SOX5: variants seen among roughly 807,000 people sequenced by gnomAD.
SOX5 encodes the protein transcription factor SOX-5.
A neutral mutation model predicts 92.0 loss-of-function variants in SOX5; 9 were observed. That is an observed-to-expected ratio of 0.10 (90% CI 0.06 to 0.17). SOX5 has a LOEUF of 0.17. SOX5 is among the 10% of genes least tolerant of loss of function. The pLI is 1.00. For synonymous variants in SOX5, 344 were observed against 336.3 expected (o/e 1.02, Z -0.25); for missense variants, 642 against 944.5 (o/e 0.68, Z 4.20).
At chr12:24,491,102 G>C (rs1326778451) in intron 1 of SOX5, among the ~76,000 whole-genome samples, 1 of 151,934 alleles carries the variant, frequency 6.6e-6, no homozygotes, top group Non-Finnish European at 1.5e-5. Flanking sequence ...TCATGCCAGG[G>C]TGGCTGCCTG....
rs180741306 is a variant in SOX5, at chr12:24,549,636, T to C, written c.-251+12693A>G. ...ATAGGGCTGATGTGTTGCAGATAGT[T>C]TGGGAGTCATCTGAAAATCTCTGTT... On this transcript the variant is annotated intron_variant, in intron 1 of 4. Transcript: ENST00000446891. Among the ~76,000 whole-genome samples the C allele has an allele frequency of 2.8e-3, 429 of 152,238 alleles. 4 individuals carry two copies. Among genetic ancestry groups the C allele is most frequent in the African/African-American group, 8.9e-3 (370 of 41,522 alleles).
chr12:24,367,128 A>G (rs969928249), intron 2 of SOX5, among the ~76,000 whole-genome samples: 2 of 152,296 alleles, frequency 1.3e-5, no homozygotes, highest in South Asian at 4.1e-4. Flanking sequence ...AATTACAACC[A>G]GACTTAGCTG....
At chr12:24,444,293 T>TGTGC (rs1941124097) in intron 1 of SOX5, among the ~76,000 whole-genome samples, 1 of 151,954 alleles carries the variant, frequency 6.6e-6, no homozygotes, top group Non-Finnish European at 1.5e-5. Context: ...TGTGTGTGTG[T>TGTGC]GTGTGTGTGT....
intron 1 of SOX5, among the ~76,000 whole-genome samples, chr12:24,553,537 T>A (rs1446914006): frequency 6.6e-6 from 1 of 152,230 alleles, no homozygotes. Context: ...TTTCAGGCAT[T>A]GTGATTCTGC....
intron 1 of SOX5, among the ~76,000 whole-genome samples, chr12:24,433,509 G>T (rs2137078343): frequency 6.6e-6 from 1 of 152,216 alleles, no homozygotes; most frequent in African/African-American, 2.4e-5. Context: ...TTTGATTAAA[G>T]GTAATGGTAT....
intron 8 of SOX5, among the ~76,000 whole-genome samples, chr12:23,606,829 A>T (rs1352825461): frequency 6.6e-6 from 1 of 152,168 alleles, no homozygotes; most frequent in Non-Finnish European, 1.5e-5. Context: ...ATCTGAGTTA[A>T]ATTGTCCTAA....
At chr12:23,988,039 C>G (rs1950217163) in intron 4 of SOX5, among the ~76,000 whole-genome samples, 1 of 152,078 alleles carries the variant, frequency 6.6e-6, no homozygotes, top group Non-Finnish European at 1.5e-5. Context: ...ATAAAGAAAA[C>G]TTAGCATTAT....
intron 1 of SOX5, among the ~76,000 whole-genome samples, chr12:24,432,537 G>A (rs1484750204): frequency 2.0e-5 from 3 of 152,170 alleles, no homozygotes; most frequent in Non-Finnish European, 2.9e-5. Flanking sequence ...GATATCAGCT[G>A]GGTGCGGTGG....
chr12:23,546,700 C>A (rs1349364246), intron 11 of SOX5, among the ~76,000 whole-genome samples: 2 of 152,024 alleles, frequency 1.3e-5, no homozygotes, highest in African/African-American at 4.8e-5. Flanking sequence ...GACAACCTTC[C>A]CAAATTACAA....
intron 1 of SOX5, among the ~76,000 whole-genome samples, chr12:24,477,719 T>C (rs1411382350): frequency 1.3e-5 from 2 of 152,184 alleles, no homozygotes; most frequent in African/African-American, 4.8e-5. Flanking sequence ...TTGTTGTCTC[T>C]TTATCAAATA....
chr12:23,894,147 A>C (rs547478015), intron 2 of SOX5, among the ~76,000 whole-genome samples: 1 of 152,294 alleles, frequency 6.6e-6, no homozygotes, highest in Non-Finnish European at 1.5e-5. Flanking sequence ...GTGAAGGTTA[A>C]ATGAGTTATT....
chr12:24,090,064 T>C (rs1569539139), intron 4 of SOX5, among the ~76,000 whole-genome samples: 5 of 152,144 alleles, frequency 3.3e-5, no homozygotes. Flanking sequence ...AATGACTAAA[T>C]ATTTTAGATG....
rs894824762 is a variant in SOX5, at chr12:24,547,267, A to C, written c.-251+15062T>G. ...ACTGCAGTGGCGCAATCTCGGCTCA[A>C]TGCAAGCTCCGCTTCCCGGGTTCAC... On this transcript the variant is annotated intron_variant, in intron 1 of 4. Transcript: ENST00000446891. Among the ~76,000 whole-genome samples, 29 of 149,146 alleles carry C rather than the reference A, an allele frequency of 1.9e-4. No homozygotes were observed. The East Asian group carries it at 3.8e-3, about 19-fold the overall frequency.
intron 4 of SOX5, among the ~76,000 whole-genome samples, chr12:24,043,543 G>A (rs1328191945): frequency 1.3e-5 from 2 of 152,152 alleles, no homozygotes; most frequent in Non-Finnish European, 2.9e-5. Context: ...TGTCCAACTG[G>A]TCCAACAGAA....
chr12:23,660,869 T>C (rs1197335357), intron 7 of SOX5, among the ~76,000 whole-genome samples: 1 of 152,192 alleles, frequency 6.6e-6, no homozygotes, highest in Non-Finnish European at 1.5e-5. Context: ...CCAAAGAACT[T>C]ATCTATGATA....
intron 3 of SOX5, among the ~76,000 whole-genome samples, chr12:23,759,134 A>T (rs116697974): frequency 1.8e-3 from 279 of 152,012 alleles, no homozygotes; most frequent in African/African-American, 6.5e-3. Context: ...ACTCCCTTGG[A>T]TAGATGAAGT....
intron 6 of SOX5, among the ~76,000 whole-genome samples, chr12:23,734,127 G>A (rs1020465516): frequency 5.9e-5 from 9 of 152,144 alleles, no homozygotes; most frequent in Non-Finnish European, 8.8e-5. Flanking sequence ...GCTTCCTCCT[G>A]TATTGATGCT....
chr12:24,270,397 A>C (rs573012954), intron 3 of SOX5, among the ~76,000 whole-genome samples: 1 of 152,272 alleles, frequency 6.6e-6, no homozygotes, highest in African/African-American at 2.4e-5. Flanking sequence ...CAATTATTTT[A>C]CTTAATTTTG....
rs529290975 is a variant in SOX5, at chr12:23,939,840, T to C, written c.38+9724A>G. 1.7e-3 allele frequency among the ~76,000 whole-genome samples: 250 copies of C among 151,222 alleles called. 2 individuals are homozygous for C. Among genetic ancestry groups the C allele is most frequent in the African/African-American group, 5.5e-3 (228 of 41,444 alleles). On this transcript the variant is annotated intron_variant, in intron 1 of 14. Transcript: ENST00000451604. ...TCTTGAAATTGCCAACTAGCAACTA[T>C]AGTATAATGCATATCAAATTGGCTG... is the stretch of plus-strand genomic sequence containing the variant.
Sources: allele counts gnomAD v4.1 joint callset (sites outside exome capture counted in the v4.1 genomes callset), GRCh38; gene constraint gnomAD v4.1.1; transcripts MANE v1.5; gene names NCBI Gene and HGNC (gene_info 2026-07-23, HGNC 2026-07-21).